FAAP100: variants seen among roughly 807,000 people sequenced by gnomAD.
FAAP100 encodes the protein Fanconi anemia core complex-associated protein 100.
In FAAP100, 46 loss-of-function variants were observed where a neutral mutation model predicts 65.8. That is an observed-to-expected ratio of 0.70 (90% CI 0.55 to 0.89). The LOEUF is 0.89. FAAP100 is among the 40% of genes least tolerant of loss of function. FAAP100 has a pLI of 0.00. For synonymous variants in FAAP100, 663 were observed against 555.1 expected, an observed-to-expected ratio of 1.19 and a Z score of -2.73; for missense variants, 1,165 against 1,196.7, an observed-to-expected ratio of 0.97 and a Z score of 0.39.
At position 81,547,693 on chromosome 17, in the gene FAAP100, C is replaced by G. The variant is rs1375717029; in HGVS notation, c.1404-15G>C. The G allele has an allele frequency of 6.2e-7, 1 of 1,606,988 alleles. No homozygotes were observed. Among genetic ancestry groups the G allele is most frequent in the African/African-American group, 1.3e-5 (1 of 74,866 alleles). ...GAAAAGACACTCTGCGAAGGACAGA[C>G]ATGACCCCCGGGAGCGGGGGGACAC... On this transcript the variant is annotated splice_polypyrimidine_tract_variant and intron_variant, in intron 4 of 8. Coordinates refer to ENST00000327787, the MANE Select transcript of FAAP100 (RefSeq NM_025161.6).
rs2033342884 is a variant in FAAP100 at position 81,547,327 on chromosome 17, G to T, written c.1755C>A (p.Gly585=). ...GARREVTLPL[G]PGENGGLDLP... ...GGTCGAGCCCGCCGTTCTCACCAGG[G>T]CCCAGGGGTAGCGTCACCTCCCGCC... The change falls in exon 5 of 9, where the codon GGC becomes GGA. Residue 585 remains glycine (G), a synonymous_variant. Coordinates refer to ENST00000327787, the MANE Select transcript of FAAP100 (RefSeq NM_025161.6). 2.5e-6 allele frequency: 4 copies of T among 1,612,508 alleles called. No individual in the cohort carries two copies. Among genetic ancestry groups the T allele is most frequent in the Non-Finnish European group, 8.5e-7 (1 of 1,179,858 alleles).
chr17:81,550,430 C>T lies in FAAP100; in HGVS notation c.1064G>A (p.Gly355Asp), dbSNP rs2033448741. 5.0e-6 allele frequency: 8 copies of T among 1,612,410 alleles called. No individual in the cohort carries two copies. Among genetic ancestry groups the T allele is most frequent in the Non-Finnish European group, 6.8e-6 (8 of 1,179,918 alleles). ...AGGGGTGCTGTGGTACACGCGGCCA[C>T]CCCCGCCACAGGCAGCGCAGAGCAC... ...GPVLCAACGG[G>D]GRVYHSTPSD... The change falls in exon 3 of 9, where the codon GGT becomes GAT. Residue 355 changes from glycine to aspartate, a missense_variant. Coordinates refer to ENST00000327787, the MANE Select transcript of FAAP100 (RefSeq NM_025161.6).
Position 81,544,085 on chromosome 17 carries a change from G to C in FAAP100, c.2346C>G (p.Ile782Met). 2 of 1,612,616 alleles carry C rather than the reference G, an allele frequency of 1.2e-6. No homozygotes were observed. The highest frequency in any genetic ancestry group is 1.7e-6 in the Non-Finnish European group (2 of 1,179,774). The change falls in exon 7 of 9, where the codon ATC becomes ATG. Residue 782 changes from isoleucine (I) to methionine (M), a missense_variant. By Grantham distance (10) the Ile-to-Met change is conservative. Coordinates refer to ENST00000327787, the MANE Select transcript of FAAP100 (RefSeq NM_025161.6). ...TTTCCACTTGAATCTCCACGGCCTG[G>C]ATGGGCCCTGCTGGGCACAGGTCAG... ...AMTDLCPAGP[I>M]QAVEIQVESS...
chr17:81,545,598 G>T, intron 6 of FAAP100, 148 bp downstream of exon 6: 1 of 1,157,772 alleles, frequency 8.6e-7, no homozygotes, highest in Non-Finnish European at 1.2e-6. Context: ...GGTGCGAGGG[G>T]AAACTGTCAT....
chr17:81,550,957 C>T lies in FAAP100; in HGVS notation c.537G>A (p.Thr179=), dbSNP rs912993834. Residue 179 remains threonine, a synonymous_variant, in exon 3 of 9, where the codon ACG becomes ACA. Coordinates refer to ENST00000327787, the MANE Select transcript of FAAP100 (RefSeq NM_025161.6). ...GCTTTCCTGGGACCCCGGCTGGGGG[C>T]GTGTAGGAGGACAGCTCCACCTCAC... ...QIGEVELSSY[T]PPAGVPGKPA... 13 of 1,611,956 alleles carry T rather than the reference C, an allele frequency of 8.1e-6. No individual in the cohort carries two copies. The highest frequency in any genetic ancestry group is 5.3e-5 in the African/African-American group (4 of 74,946).
At position 81,540,913 on chromosome 17, in the gene FAAP100, A is replaced by C. The variant is rs775699039; in HGVS notation, c.2552T>G (p.Leu851Arg). The C allele has an allele frequency of 2.5e-6, 4 of 1,592,178 alleles. No homozygotes were observed. In the South Asian group the frequency reaches 4.5e-5, roughly 18 times the overall value. Residue 851 changes from leucine (L) to arginine (R), a missense_variant, in exon 9 of 9, where the codon CTC (leucine) becomes CGC (arginine). Leu to Arg is a moderately radical substitution (Grantham distance 102). Transcript: ENST00000327787. ...GGAGCTGGCCTCATCCTCCGTGCAG[A>C]GCCGGTCGCGCAGGGTCTGCACCTC... ...LREVQTLRDR[L>R]CTEDEASSCA...
chr17:81,548,901 G>A (rs1036682965), intron 4 of FAAP100, among the ~76,000 whole-genome samples: 18 of 151,686 alleles, frequency 1.2e-4, no homozygotes, highest in African/African-American at 3.9e-4. Context: ...TTAGCCGGGC[G>A]TGGTGGCGGG....
chr17:81,550,611 C>A lies in FAAP100; in HGVS notation c.883G>T (p.Ala295Ser). 6.2e-7 allele frequency: 1 copy of A among 1,613,002 alleles called. No individual in the cohort carries two copies. Among genetic ancestry groups the A allele is most frequent in the Non-Finnish European group, 8.5e-7 (1 of 1,180,024 alleles). The change falls in exon 3 of 9, where the codon GCA becomes TCA. Residue 295 changes from alanine (A) to serine (S), a missense_variant. Coordinates refer to ENST00000327787, the MANE Select transcript of FAAP100 (RefSeq NM_025161.6). ...IGALKTEPQA[A>S]EAAENFLPDE... is the part of the protein sequence containing the mutation. ...GGCAGAAAATTCTCTGCAGCTTCTG[C>A]AGCCTGTGGCTCTGTCTTCAAGGCC...
upstream of FAAP100, among the ~76,000 whole-genome samples, chr17:81,552,573 C>T (rs950073978): frequency 6.6e-6 from 1 of 152,170 alleles, no homozygotes; most frequent in Non-Finnish European, 1.5e-5. Flanking sequence ...GAGGTTGACC[C>T]GGCCGGGCTG....
chr17:81,551,511 T>C (rs1330051237), intron 2 of FAAP100, among the ~76,000 whole-genome samples: 1 of 152,204 alleles, frequency 6.6e-6, no homozygotes, highest in Non-Finnish European at 1.5e-5. Context: ...AGCTGCTGGC[T>C]CTGCACTGAA....
chr17:81,548,313 G>T, intron 4 of FAAP100: 1 of 391,358 alleles, frequency 2.6e-6, no homozygotes, highest in Non-Finnish European at 4.7e-6. Context: ...GGACTCAGCA[G>T]GGGACGTCTC....
chr17:81,543,340 A>G (rs187574121), intron 7 of FAAP100, among the ~76,000 whole-genome samples: 1 of 152,252 alleles, frequency 6.6e-6, no homozygotes, highest in Admixed American at 6.5e-5. Context: ...AAACTCCGGA[A>G]CCGGTTTCTA....
At chr17:81,548,932 C>G (rs1475328481) in intron 4 of FAAP100, among the ~76,000 whole-genome samples, 1 of 149,838 alleles carries the variant, frequency 6.7e-6, no homozygotes, top group Non-Finnish European at 1.5e-5. Context: ...CCCAGCTACT[C>G]GGGAGGCTGA....
chr17:81,552,912 G>A (rs2033553009), upstream of FAAP100, among the ~76,000 whole-genome samples: 1 of 151,000 alleles, frequency 6.6e-6, no homozygotes, highest in South Asian at 2.1e-4. Flanking sequence ...AGGTGGAAGT[G>A]CGTCCCTCCC....
chr17:81,541,257 G>A, intron 8 of FAAP100, 52 bp downstream of exon 8: 2 of 1,530,710 alleles, frequency 1.3e-6, no homozygotes, highest in Non-Finnish European at 1.8e-6. Context: ...CTGGCGATGG[G>A]CGCTCCTGGC....
chr17:81,545,680 C>T, intron 6 of FAAP100, 66 bp downstream of exon 6: 1 of 1,546,524 alleles, frequency 6.5e-7, no homozygotes, highest in Non-Finnish European at 8.7e-7. Context: ...CTCCCGAGCT[C>T]CGGCCCAGGG....
At chr17:81,552,635 G>A (rs1349595512), upstream of FAAP100, among the ~76,000 whole-genome samples, 6 of 152,200 alleles carry the variant, frequency 3.9e-5, no homozygotes, top group Non-Finnish European at 8.8e-5. Context: ...GGTTCCCCAG[G>A]GTGGGGAAGC....
chr17:81,545,568 T>C (rs927850853), intron 6 of FAAP100, among the ~76,000 whole-genome samples, 178 bp downstream of exon 6: 4 of 152,190 alleles, frequency 2.6e-5, no homozygotes, highest in African/African-American at 7.2e-5. Flanking sequence ...AGGCCCTCCC[T>C]GCCTGAGTGG....
intron 2 of FAAP100, 142 bp from the exon 3 acceptor site, chr17:81,551,345 G>C: frequency 1.3e-6 from 1 of 788,906 alleles, no homozygotes; most frequent in Non-Finnish European, 1.9e-6. Flanking sequence ...TCTGCCACAT[G>C]GCCTCCCACC....
Sources: gnomAD v4.1 joint callset for allele counts (sites outside exome capture counted in the v4.1 genomes callset) on GRCh38, gnomAD v4.1.1 for gene constraint, MANE v1.5 for transcripts, NCBI Gene and HGNC (gene_info 2026-07-23, HGNC 2026-07-21) for gene names.